HSPA12A: variants seen among roughly 807,000 people sequenced by gnomAD.
The protein encoded by HSPA12A is heat shock protein family A (Hsp70) member 12A, also known as heat shock 70 kDa protein 12A.
HSPA12A carries 28 observed loss-of-function variants against 69.2 expected under a neutral mutation model. The ratio of observed to expected loss-of-function variants is 0.40; its 90% CI spans 0.30 to 0.55. The LOEUF is 0.55. Among genes scored for constraint, HSPA12A ranks in the 20% least tolerant of loss-of-function variants. The pLI is 0.38. For missense variants in HSPA12A, 686 were observed against 900.7 expected (o/e 0.76, Z 3.05); for synonymous variants, 345 against 370.5 (o/e 0.93, Z 0.79).
At chr10:116,755,364 C>A (rs1338233212) in intron 2 of HSPA12A, among the ~76,000 whole-genome samples, 1 of 151,958 alleles carries the variant, frequency 6.6e-6, no homozygotes, top group Non-Finnish European at 1.5e-5. Flanking sequence ...GTAATCCCAG[C>A]ACTTTGGGAG....
intron 2 of HSPA12A, among the ~76,000 whole-genome samples, chr10:116,792,346 G>C (rs1363278079): frequency 1.3e-5 from 2 of 151,380 alleles, no homozygotes; most frequent in Non-Finnish European, 2.9e-5. Context: ...AGTTCGGAGT[G>C]AGAGGTTCTA....
intron 2 of HSPA12A, among the ~76,000 whole-genome samples, chr10:116,763,697 C>T (rs755670571): frequency 6.6e-5 from 10 of 152,126 alleles, no homozygotes; most frequent in Non-Finnish European, 1.3e-4. Context: ...ATTTTTCTCT[C>T]CCTCATGAAC....
intron 2 of HSPA12A, among the ~76,000 whole-genome samples, chr10:116,755,015 A>G (rs1843802296): frequency 6.6e-6 from 1 of 152,002 alleles, no homozygotes; most frequent in Non-Finnish European, 1.5e-5. Flanking sequence ...GTGCAGTGGC[A>G]CGATCTTAGC....
chr10:116,792,366 G>T (rs1356195767), intron 2 of HSPA12A, among the ~76,000 whole-genome samples: 1 of 151,576 alleles, frequency 6.6e-6, no homozygotes, highest in Non-Finnish European at 1.5e-5. Context: ...AGAAGGAAAT[G>T]AAAGTAGATG....
chr10:116,690,432 G>A (rs1385322428), intron 6 of HSPA12A, among the ~76,000 whole-genome samples: 2 of 152,120 alleles, frequency 1.3e-5, no homozygotes, highest in African/African-American at 4.8e-5. Context: ...AATGATCGCC[G>A]CCCTCTTTAA....
Position 116,791,463 on chromosome 10 carries a change from C to T in HSPA12A, c.91+43472G>A, listed in dbSNP as rs544103022. 1.5e-4 allele frequency among the ~76,000 whole-genome samples: 23 copies of T among 152,258 alleles called. No homozygotes were observed. The East Asian group carries it at 4.4e-3, about 29-fold the overall frequency. On this transcript the variant is annotated intron_variant, in intron 2 of 12. Coordinates refer to the HSPA12A transcript ENST00000635765. The stretch of plus-strand genomic sequence containing the variant: ...TAGAGAAAAGCAGAAAGGTTAATAT[C>T]GCCCCGTCAGAGTAAAGCAGCCAAT...
intron 1 of HSPA12A, among the ~76,000 whole-genome samples, chr10:116,726,027 G>GCGCACA (rs140160132): frequency 1.2e-4 from 18 of 146,222 alleles, no homozygotes; most frequent in Admixed American, 8.1e-4. Flanking sequence ...ACACACACAC[G>GCGCACA]CACACACACA....
Position 116,701,054 on chromosome 10 carries a change from C to T in HSPA12A, c.330G>A (p.Lys110=). The T allele has an allele frequency of 1.2e-6, 2 of 1,614,182 alleles. No homozygotes were observed. Among genetic ancestry groups the T allele is most frequent in the Non-Finnish European group, 1.7e-6 (2 of 1,180,054 alleles). ...PTTILLTPER[K]FHSFGYAARD... ...TGGCGGCATACCCGAAGCTGTGGAA[C>T]TTCCTCTCGGGAGTCAGCAAGATGG... Residue 110 remains lysine, a synonymous_variant, in exon 4 of 12, where the codon AAG becomes AAA. Coordinates refer to ENST00000369209, the MANE Select transcript of HSPA12A (RefSeq NM_025015.3).
Position 116,735,151 on chromosome 10 carries a change from A to T in HSPA12A, c.40+7279T>A, listed in dbSNP as rs548395243. On this transcript the variant is annotated intron_variant, in intron 1 of 11. Coordinates refer to ENST00000369209, the MANE Select transcript of HSPA12A (RefSeq NM_025015.3). Reference sequence around the variant, plus strand: ...TCTAGCACAACAAACAAATAATTGTAAGTGTCAGACAATCACTGGGCACTT... The same window carrying T: ...TCTAGCACAACAAACAAATAATTGTTAGTGTCAGACAATCACTGGGCACTT... 2.3e-4 allele frequency among the ~76,000 whole-genome samples: 35 copies of T among 152,384 alleles called. No homozygotes were observed. The Middle Eastern group carries it at 0.01, about 44-fold the overall frequency.
chr10:116,768,558 G>A (rs782534863), intron 2 of HSPA12A, among the ~76,000 whole-genome samples: 3 of 152,114 alleles, frequency 2.0e-5, no homozygotes, highest in Admixed American at 1.3e-4. Flanking sequence ...CTCCACTCCC[G>A]GCTGGAGAGG....
Position 116,779,685 on chromosome 10 carries a change from C to T in HSPA12A, c.91+55250G>A, listed in dbSNP as rs1844420210. Among the ~76,000 whole-genome samples, 6 of 152,258 alleles carry T rather than the reference C, an allele frequency of 3.9e-5. No homozygotes were observed. The South Asian group carries it at 1.2e-3, about 32-fold the overall frequency. On this transcript the variant is annotated intron_variant, in intron 2 of 12. Coordinates refer to the HSPA12A transcript ENST00000635765. ...TGCTCCCAAGCTTTGCTATGTCTAT[C>T]CTGATTGACACCCAGGCAGGTGGGA...
At chr10:116,713,232 G>A (rs1353568549) in intron 1 of HSPA12A, among the ~76,000 whole-genome samples, 5 of 151,682 alleles carry the variant, frequency 3.3e-5, no homozygotes, top group Admixed American at 6.6e-5. Flanking sequence ...CCTATAACAG[G>A]CTTCATGGCT....
At chr10:116,727,453 T>C (rs1554885166) in intron 1 of HSPA12A, among the ~76,000 whole-genome samples, 1 of 152,208 alleles carries the variant, frequency 6.6e-6, no homozygotes, top group African/African-American at 2.4e-5. Context: ...TGGCTTCCTG[T>C]TTGCCAAGGT....
chr10:116,732,324 A>AAACAAACAAAC (rs1554885895), intron 1 of HSPA12A, among the ~76,000 whole-genome samples: 1 of 27,456 alleles, frequency 3.6e-5, no homozygotes, highest in Non-Finnish European at 9.3e-5. Context: ...CGTCTCAAAA[A>AAACAAACAAAC]AAACAAAGAA....
At chr10:116,757,787 A>G (rs1277751742) in intron 2 of HSPA12A, among the ~76,000 whole-genome samples, 1 of 152,216 alleles carries the variant, frequency 6.6e-6, no homozygotes, top group Non-Finnish European at 1.5e-5. Context: ...GGACAGTGAT[A>G]ACACCAAAGA....
rs375001436 is a variant in HSPA12A at position 116,679,806 on chromosome 10, A to G, written c.1028-45T>C. ...GGAGGCCATGGTGTTAAAAACCATTAGAAACCCAATCCAGACTCTGAGAAA... is the reference window on the plus strand; with the variant it reads ...GGAGGCCATGGTGTTAAAAACCATTGGAAACCCAATCCAGACTCTGAGAAA... On this transcript the variant is annotated intron_variant, in intron 9 of 11. Transcript: ENST00000369209. The G allele has an allele frequency of 9.4e-6, 15 of 1,598,342 alleles. No homozygotes were observed. The African/African-American group carries it at 1.5e-4, about 16-fold the overall frequency.
chr10:116,685,603 C>G (rs1395468641), intron 6 of HSPA12A, among the ~76,000 whole-genome samples: 5 of 151,130 alleles, frequency 3.3e-5, no homozygotes, highest in Non-Finnish European at 5.9e-5. Context: ...CCATTGTACC[C>G]CAGCCTGGGT....
chr10:116,739,193 T>C (rs1554886730), intron 1 of HSPA12A, among the ~76,000 whole-genome samples: 1 of 152,164 alleles, frequency 6.6e-6, no homozygotes, highest in Non-Finnish European at 1.5e-5. Flanking sequence ...CTGCATCCCA[T>C]GGCCTAGGTC....
rs558560749 is a variant in HSPA12A at position 116,672,265 on chromosome 10, C to T, written c.*2516G>A. On this transcript the variant is annotated 3_prime_UTR_variant, in exon 12 of 12. Coordinates refer to ENST00000369209, the MANE Select transcript of HSPA12A (RefSeq NM_025015.3). ...TGCCCTCAGAGTGACTGCTCCGACC[C>T]GGAAGGAGAGGTCAACGACCCCTCA... 2.6e-5 allele frequency: 4 copies of T among 152,296 alleles called. No homozygotes were observed. The highest frequency in any genetic ancestry group is 1.9e-4 in the East Asian group (1 of 5,174). 9.4% of individuals were successfully genotyped at this position (152,296 alleles called of 1,614,324 possible). A position where few individuals can be genotyped will look rare whatever the true frequency, so the allele number is the denominator to read the frequency against.
Sources: allele counts gnomAD v4.1 joint callset (sites outside exome capture counted in the v4.1 genomes callset), GRCh38; gene constraint gnomAD v4.1.1; transcripts MANE v1.5; gene names NCBI Gene and HGNC (gene_info 2026-07-23, HGNC 2026-07-21).